CYFIP2: variants seen among roughly 807,000 people sequenced by gnomAD.
CYFIP2 encodes cytoplasmic FMR1 interacting protein 2.
Under a neutral mutation model 158.7 loss-of-function variants are expected in CYFIP2, and 29 were observed. The ratio of observed to expected loss-of-function variants is 0.18; its 90% CI spans 0.14 to 0.25. The LOEUF is 0.25. CYFIP2 is among the 10% of genes least tolerant of loss of function. The pLI, the probability that CYFIP2 is intolerant of heterozygous loss-of-function variation, is 1.00. For synonymous variants in CYFIP2, 585 were observed against 617.6 expected, an observed-to-expected ratio of 0.95 and a Z score of 0.78; for missense variants, 852 against 1,639.5, an observed-to-expected ratio of 0.52 and a Z score of 8.29.
At chr5:157,327,740 G>A (rs1056309433) in intron 18 of CYFIP2, among the ~76,000 whole-genome samples, 3 of 152,142 alleles carry the variant, frequency 2.0e-5, no homozygotes, top group African/African-American at 7.2e-5. Flanking sequence ...GAGAGGGGCC[G>A]TGGGGAGATT....
chr5:157,306,036 G>A (rs1759191535), intron 8 of CYFIP2, among the ~76,000 whole-genome samples: 1 of 152,170 alleles, frequency 6.6e-6, no homozygotes, highest in Non-Finnish European at 1.5e-5. Context: ...CACAGCTGTA[G>A]CACTGACATG....
intron 15 of CYFIP2, chr5:157,323,052 CT>C: frequency 6.5e-7 from 1 of 1,531,320 alleles, no homozygotes; most frequent in Non-Finnish European, 8.8e-7. Context: ...TTTGGGTACC[CT>C]TCTCGAGGAG....
intron 23 of CYFIP2, among the ~76,000 whole-genome samples, chr5:157,349,098 G>GTATT (rs551428169): frequency 6.6e-6 from 1 of 152,036 alleles, no homozygotes; most frequent in Non-Finnish European, 1.5e-5. Flanking sequence ...CTCACTTTAT[G>GTATT]TATTTATTTA....
chr5:157,349,667 T>G (rs1289640942), intron 23 of CYFIP2, among the ~76,000 whole-genome samples: 1 of 152,222 alleles, frequency 6.6e-6, no homozygotes. Context: ...TAGTTCTCAC[T>G]TTTAGTTCTT....
At chr5:157,287,775 C>T (rs1278531130) in intron 3 of CYFIP2, among the ~76,000 whole-genome samples, 4 of 152,148 alleles carry the variant, frequency 2.6e-5, no homozygotes, top group Non-Finnish European at 4.4e-5. Flanking sequence ...AACAAGGAAA[C>T]TGCAGACTGG....
At chr5:157,392,269 C>T (rs1767377010) in intron 30 of CYFIP2, among the ~76,000 whole-genome samples, 1 of 152,114 alleles carries the variant, frequency 6.6e-6, no homozygotes, top group Non-Finnish European at 1.5e-5. Context: ...TTTGCCTTTG[C>T]TTTTGATGTC....
At chr5:157,342,682 G>A (rs1313640502) in intron 23 of CYFIP2, 2 of 604,540 alleles carry the variant, frequency 3.3e-6, no homozygotes, top group Non-Finnish European at 5.6e-6. Flanking sequence ...GGCATACCCT[G>A]GGGGATACAT....
intron 26 of CYFIP2, among the ~76,000 whole-genome samples, chr5:157,375,211 C>G (rs1765347025): frequency 1.3e-5 from 2 of 152,170 alleles, no homozygotes; most frequent in African/African-American, 4.8e-5. Context: ...GAGATGAGAC[C>G]AGGCCTTTGG....
intron 5 of CYFIP2, among the ~76,000 whole-genome samples, chr5:157,299,613 C>T (rs1758571988): frequency 6.6e-6 from 1 of 152,108 alleles, no homozygotes; most frequent in Admixed American, 6.6e-5. Flanking sequence ...AGAATGTAAA[C>T]TCCTAGGCCA....
chr5:157,373,193 ACT>A (rs1279754329), intron 26 of CYFIP2, among the ~76,000 whole-genome samples: 1 of 151,542 alleles, frequency 6.6e-6, no homozygotes, highest in African/African-American at 2.4e-5. Context: ...TATTATTACC[ACT>A]CTCTGCCTGG....
chr5:157,368,290 GGAAA>G (rs1346886486), intron 26 of CYFIP2, among the ~76,000 whole-genome samples: 3 of 152,090 alleles, frequency 2.0e-5, no homozygotes, highest in Non-Finnish European at 2.9e-5. Context: ...TTCCTTAAAA[GGAAA>G]GACTCATACA....
intron 10 of CYFIP2, among the ~76,000 whole-genome samples, chr5:157,310,734 C>T (rs1759644471): frequency 6.6e-6 from 1 of 152,252 alleles, no homozygotes; most frequent in Non-Finnish European, 1.5e-5. Flanking sequence ...GTGCTCCCCT[C>T]TCCACAGGTA....
intron 21 of CYFIP2, among the ~76,000 whole-genome samples, chr5:157,337,321 G>A (rs2113217155): frequency 6.6e-6 from 1 of 152,224 alleles, no homozygotes; most frequent in Non-Finnish European, 1.5e-5. Context: ...ACCTTCTTTT[G>A]AAAAATTGCA....
intron 5 of CYFIP2, among the ~76,000 whole-genome samples, chr5:157,298,729 C>A (rs1758458494): frequency 6.6e-6 from 1 of 152,164 alleles, no homozygotes; most frequent in African/African-American, 2.4e-5. Flanking sequence ...CTTCATCTCC[C>A]CAGTCTCAGC....
intron 26 of CYFIP2, among the ~76,000 whole-genome samples, chr5:157,362,329 ATC>A (rs776697727): frequency 1.0e-3 from 157 of 152,306 alleles, no homozygotes; most frequent in African/African-American, 1.5e-3. Context: ...ATGCCAGCAC[ATC>A]TGTTTGGTGT....
At chr5:157,366,283 T>G (rs1764363831) in intron 26 of CYFIP2, among the ~76,000 whole-genome samples, 1 of 152,226 alleles carries the variant, frequency 6.6e-6, no homozygotes, top group Non-Finnish European at 1.5e-5. Context: ...TAAGTCATCT[T>G]TCTTATGGAT....
At chr5:157,348,703 C>T (rs186190990) in intron 23 of CYFIP2, among the ~76,000 whole-genome samples, 1,954 of 152,206 alleles carry the variant, frequency 0.013, 45 homozygotes, top group African/African-American at 0.043. Context: ...TGAGCCACTG[C>T]CCCCCGCCTC....
intron 1 of CYFIP2, among the ~76,000 whole-genome samples, chr5:157,269,055 G>A (rs986328107): frequency 2.0e-5 from 3 of 152,070 alleles, no homozygotes; most frequent in Admixed American, 2.0e-4. Flanking sequence ...TAAGAATTTG[G>A]CTTATGTATG....
In CYFIP2 at chr5:157,338,649, G is replaced by A. The variant is rs62390096; in HGVS notation, c.2386-408G>A. 4.2e-3 allele frequency among the ~76,000 whole-genome samples: 638 copies of A among 152,304 alleles called. 2 individuals carry two copies. The highest frequency in any genetic ancestry group is 0.027 in the Middle Eastern group (8 of 294). Reference sequence around the variant, plus strand: ...TATTTGGCCCTAAAAAACAAGTAACGTCATAGGGTTCAACCTAATAGTAAA... The same window carrying A: ...TATTTGGCCCTAAAAAACAAGTAACATCATAGGGTTCAACCTAATAGTAAA... On this transcript the variant is annotated intron_variant, in intron 21 of 30. Coordinates refer to ENST00000620254, the MANE Select transcript of CYFIP2 (RefSeq NM_001037333.3).
Sources: allele counts gnomAD v4.1 joint callset (sites outside exome capture counted in the v4.1 genomes callset), GRCh38; gene constraint gnomAD v4.1.1; transcripts MANE v1.5; gene names NCBI Gene and HGNC (gene_info 2026-07-23, HGNC 2026-07-21).